SEMA3A: variants seen among roughly 807,000 people sequenced by gnomAD.
SEMA3A encodes the protein semaphorin-3A.
A neutral mutation model predicts 97.9 loss-of-function variants in SEMA3A; 29 were observed. The observed-to-expected ratio is 0.30, with a 90% confidence interval of 0.22 to 0.40. The LOEUF (loss-of-function observed/expected upper bound fraction) is 0.40. SEMA3A is among the 10% of genes least tolerant of loss of function. SEMA3A has a pLI of 1.00. For missense variants in SEMA3A, 763 were observed against 951.3 expected, an observed-to-expected ratio of 0.80 and a Z score of 2.60; for synonymous variants, 321 against 323.7, an observed-to-expected ratio of 0.99 and a Z score of 0.09.
chr7:84,014,098 T>C, intron 7 of SEMA3A, 111 bp downstream of exon 7: 1 of 842,454 alleles, frequency 1.2e-6, no homozygotes, highest in Non-Finnish European at 1.9e-6. Context: ...GTTATGTGAG[T>C]CAAGCTTTAG....
rs527860610 is a variant in SEMA3A at position 84,224,809 on chromosome 7, T to C, written c.-82-30141A>G. ...CGGTTCTTTTATAGACAGACCTTTT[T>C]CCCATAGCTGGTAACTCTACATAGA... On this transcript the variant is annotated intron_variant, in intron 3 of 3. Transcript: ENST00000424555. Among the ~76,000 whole-genome samples, 6 of 152,156 alleles carry C rather than the reference T, an allele frequency of 3.9e-5. No individual in the cohort carries two copies. In the South Asian group the frequency reaches 1.2e-3, roughly 32 times the overall value.
At chr7:84,020,035 CTTTTTTTTTTTTTTTT>C (rs781108685) in intron 6 of SEMA3A, among the ~76,000 whole-genome samples, 75 of 58,266 alleles carry the variant, frequency 1.3e-3, no homozygotes, top group African/African-American at 3.4e-4. Context: ...TTTTTTCTTT[CTTTTTTTTTTTTTTTT>C]TTTTTTTTTT....
intron 1 of SEMA3A, among the ~76,000 whole-genome samples, chr7:84,404,204 C>G (rs1803995620): frequency 6.6e-6 from 1 of 152,040 alleles, no homozygotes; most frequent in Admixed American, 6.5e-5. Flanking sequence ...CTTCAAGGAC[C>G]TGATGGAGCT....
At chr7:84,179,338 A>G (rs1298246132) in intron 1 of SEMA3A, among the ~76,000 whole-genome samples, 1 of 152,140 alleles carries the variant, frequency 6.6e-6, no homozygotes, top group Non-Finnish European at 1.5e-5. Flanking sequence ...GGTTAAATTA[A>G]TTTGTTGTTT....
intron 5 of SEMA3A, among the ~76,000 whole-genome samples, chr7:84,053,176 A>T (rs1164625632): frequency 1.6e-5 from 2 of 125,168 alleles, no homozygotes; most frequent in African/African-American, 5.2e-5. Flanking sequence ...GTGCCGAAAA[A>T]ATGTATATTC....
chr7:84,324,817 G>C (rs1372980279), intron 2 of SEMA3A, among the ~76,000 whole-genome samples: 1 of 151,978 alleles, frequency 6.6e-6, no homozygotes, highest in Admixed American at 6.6e-5. Flanking sequence ...CCAGACTACA[G>C]TATAATCATT....
chr7:84,028,024 A>G (rs916326957), intron 6 of SEMA3A, among the ~76,000 whole-genome samples: 25 of 152,206 alleles, frequency 1.6e-4, no homozygotes, highest in Admixed American at 6.5e-5. Flanking sequence ...AGTGGAAGAC[A>G]TATCATTATT....
At position 83,959,204 on chromosome 7, in the gene SEMA3A, T is replaced by G. The variant is rs927208769; in HGVS notation, c.*2167A>C. ...TCTTCTATAAATTTATCATATAATC[T>G]CTATCCCTTCAAATCCTTTATTTCT... On this transcript the variant is annotated 3_prime_UTR_variant, in exon 17 of 17. Coordinates refer to ENST00000265362, the MANE Select transcript of SEMA3A (RefSeq NM_006080.3). 3 of 152,066 alleles carry G rather than the reference T, an allele frequency of 2.0e-5. No homozygotes were observed. The highest frequency in any genetic ancestry group is 7.2e-5 in the African/African-American group (3 of 41,450). The allele number at this position is 152,066 out of a possible 1,614,324, so 9.4% of individuals were successfully genotyped here.
chr7:84,488,768 C>T (rs938215926), intron 1 of SEMA3A, among the ~76,000 whole-genome samples: 2 of 152,108 alleles, frequency 1.3e-5, no homozygotes, highest in Admixed American at 1.3e-4. Flanking sequence ...GTGATGTAAC[C>T]TGAAGTGAGA....
intron 2 of SEMA3A, among the ~76,000 whole-genome samples, chr7:84,132,125 T>G (rs1300964560): frequency 6.6e-6 from 1 of 152,162 alleles, no homozygotes; most frequent in Admixed American, 6.5e-5. Context: ...TATAAATTCT[T>G]AAGTAAATTG....
At position 83,982,181 on chromosome 7, in the gene SEMA3A, C is replaced by T. The variant is rs1427333775; in HGVS notation, c.1495-703G>A. On this transcript the variant is annotated intron_variant, in intron 13 of 16. Transcript: ENST00000265362. Reference sequence around the variant, plus strand: ...ATGAAGATACCTGGATTCTAGGTCTCGCTGCCCATTAACACCCTGTGTGAT... The same window carrying T: ...ATGAAGATACCTGGATTCTAGGTCTTGCTGCCCATTAACACCCTGTGTGAT... Among the ~76,000 whole-genome samples the T allele has an allele frequency of 9.5e-5, 12 of 125,866 alleles. No individual in the cohort carries two copies. In the South Asian group the frequency reaches 1.8e-3, roughly 19 times the overall value. 82.6% of individuals were successfully genotyped at this position (125,866 alleles called of 152,430 possible).
intron 4 of SEMA3A, among the ~76,000 whole-genome samples, chr7:84,066,076 T>C (rs1156738343): frequency 1.3e-5 from 2 of 151,482 alleles, no homozygotes; most frequent in African/African-American, 4.9e-5. Flanking sequence ...TCCGCCATGA[T>C]CAAGTGGGCT....
intron 3 of SEMA3A, among the ~76,000 whole-genome samples, chr7:84,272,402 C>A (rs1269154386): frequency 6.6e-6 from 1 of 151,942 alleles, no homozygotes; most frequent in Non-Finnish European, 1.5e-5. Context: ...ATGGACTATT[C>A]ATATCCATTC....
chr7:84,141,832 C>T (rs2040786403), intron 1 of SEMA3A, among the ~76,000 whole-genome samples: 1 of 152,100 alleles, frequency 6.6e-6, no homozygotes, highest in African/African-American at 2.4e-5. Flanking sequence ...TAATGCCCTC[C>T]AACTCCATCC....
In SEMA3A at chr7:84,079,591, C is replaced by G. The variant is rs180678912; in HGVS notation, c.454-19033G>C. Among the ~76,000 whole-genome samples the G allele has an allele frequency of 6.1e-3, 934 of 151,890 alleles. 12 individuals carry two copies. Among genetic ancestry groups the G allele is most frequent in the African/African-American group, 0.021 (881 of 41,310 alleles). The stretch of plus-strand genomic sequence containing the variant: ...AGAAGACATTTAGGCAGCCAACAGA[C>G]ATATGAAAAAATGCTCATCATCACT... On this transcript the variant is annotated intron_variant, in intron 4 of 16. Coordinates refer to ENST00000265362, the MANE Select transcript of SEMA3A (RefSeq NM_006080.3).
In SEMA3A at chr7:84,122,721, T is replaced by C. The variant is rs866058478; in HGVS notation, c.333+6402A>G. ...AAGGGTTGACATAGGCATTTTGGAATGCACTGTAACTTTAGATGCATGTGC... is the reference window on the plus strand; with the variant it reads ...AAGGGTTGACATAGGCATTTTGGAACGCACTGTAACTTTAGATGCATGTGC... On this transcript the variant is annotated intron_variant, in intron 3 of 16. Transcript: ENST00000265362. 3.3e-5 allele frequency among the ~76,000 whole-genome samples: 5 copies of C among 152,202 alleles called. No homozygotes were observed. The South Asian group carries it at 8.3e-4, about 25-fold the overall frequency.
rs145175996 is a variant in SEMA3A, at chr7:84,276,230, G to T, written c.-83+30977C>A. ...ACTGTATGCACTGGGGTATAACACT[G>T]AAAAAAGATGAACATGAACAAAGTC... On this transcript the variant is annotated intron_variant, in intron 3 of 3. Coordinates refer to the SEMA3A transcript ENST00000424555. Among the ~76,000 whole-genome samples, 250 of 152,086 alleles carry T rather than the reference G, an allele frequency of 1.6e-3. 3 individuals carry two copies. Among genetic ancestry groups the T allele is most frequent in the Admixed American group, 4.8e-3 (73 of 15,228 alleles).
intron 3 of SEMA3A, among the ~76,000 whole-genome samples, chr7:84,243,690 T>C (rs1354316097): frequency 6.6e-6 from 1 of 152,148 alleles, no homozygotes; most frequent in African/African-American, 2.4e-5. Flanking sequence ...TGTCTTCTGC[T>C]AGCTTTTGAA....
chr7:84,394,333 CTCAGTGCACACCATATGATTTAGAAACTA>C (rs151319353), intron 1 of SEMA3A, among the ~76,000 whole-genome samples: 5,128 of 152,020 alleles, frequency 0.034, 131 homozygotes, highest in Non-Finnish European at 0.05. Flanking sequence ...TAAACTTTAC[CTCAGTGCACACCATATGATTTAGAAACTA>C]AGAACTTGCA....
Sources: allele counts gnomAD v4.1 joint callset (sites outside exome capture counted in the v4.1 genomes callset), GRCh38; gene constraint gnomAD v4.1.1; transcripts MANE v1.5; gene names NCBI Gene and HGNC (gene_info 2026-07-23, HGNC 2026-07-21).